SPTLC3: variants seen among roughly 807,000 people sequenced by gnomAD.
SPTLC3 encodes serine palmitoyltransferase long chain base subunit 3, also known as serine palmitoyltransferase 3.
SPTLC3 carries 36 observed loss-of-function variants against 59.3 expected under a neutral mutation model. The observed-to-expected ratio is 0.61, with a 90% CI of 0.47 to 0.80. The LOEUF is 0.80. SPTLC3 is among the 30% of genes least tolerant of loss of function. The pLI, the probability that SPTLC3 is intolerant of heterozygous loss-of-function variation, is 0.00. For missense variants in SPTLC3, 625 were observed against 685.1 expected, an observed-to-expected ratio of 0.91 and a Z score of 0.98; for synonymous variants, 257 against 240.8, an observed-to-expected ratio of 1.07 and a Z score of -0.62.
chr20:13,142,889 C>T (rs564578435), intron 9 of SPTLC3, among the ~76,000 whole-genome samples: 1 of 152,014 alleles, frequency 6.6e-6, no homozygotes, highest in Admixed American at 6.5e-5. Context: ...GAGAGTCTCC[C>T]TCACATCAAA....
At chr20:13,163,146 TGACCTGAGGTCAGGAGTTCGA>T (rs937107713) in intron 11 of SPTLC3, among the ~76,000 whole-genome samples, 15 of 152,098 alleles carry the variant, frequency 9.9e-5, no homozygotes, top group Admixed American at 7.2e-4. Flanking sequence ...GGTGGGCGGA[TGACCTGAGGTCAGGAGTTCGA>T]GACCAGCCTG....
chr20:13,024,783 TC>T (rs1986064503), intron 1 of SPTLC3, among the ~76,000 whole-genome samples: 1 of 152,158 alleles, frequency 6.6e-6, no homozygotes, highest in Non-Finnish European at 1.5e-5. Context: ...CTAGAGAAAT[TC>T]CCCTGCTACA....
intron 1 of SPTLC3, among the ~76,000 whole-genome samples, chr20:13,030,218 A>T (rs1180280070): frequency 1.3e-5 from 2 of 152,196 alleles, no homozygotes; most frequent in African/African-American, 4.8e-5. Flanking sequence ...CCACACTGTG[A>T]TGTCAAAACA....
chr20:13,128,678 C>CT (rs2038049342), intron 9 of SPTLC3, among the ~76,000 whole-genome samples: 1 of 151,774 alleles, frequency 6.6e-6, no homozygotes, highest in Non-Finnish European at 1.5e-5. Flanking sequence ...GGAGGAGGTT[C>CT]TTTTTTGTTT....
In SPTLC3 at chr20:13,059,312, A is replaced by T. The variant is rs148294045; in HGVS notation, c.303+10182A>T. Among the ~76,000 whole-genome samples the T allele has an allele frequency of 3.1e-3, 479 of 152,324 alleles. 3 individuals carry two copies. The highest frequency in any genetic ancestry group is 4.6e-3 in the Non-Finnish European group (314 of 68,032). The stretch of plus-strand genomic sequence containing the variant: ...TTAGTTCTTTCGCTGTTTCACTGTT[A>T]CGTCGCTAGTATCGCCTGAGAGCTT... On this transcript the variant is annotated intron_variant, in intron 2 of 11. Coordinates refer to ENST00000399002, the MANE Select transcript of SPTLC3 (RefSeq NM_018327.4).
intron 1 of SPTLC3, among the ~76,000 whole-genome samples, chr20:13,022,253 A>G (rs1985923375): frequency 6.6e-6 from 1 of 152,142 alleles, no homozygotes; most frequent in African/African-American, 2.4e-5. Context: ...CAGCACATCT[A>G]GAATCTGACC....
intron 1 of SPTLC3, among the ~76,000 whole-genome samples, chr20:13,014,621 T>C (rs558727847): frequency 2.0e-5 from 3 of 152,008 alleles, no homozygotes; most frequent in Admixed American, 6.6e-5. Flanking sequence ...AAGAAATTTA[T>C]TAGGGAGGTG....
At chr20:13,110,443 G>A (rs1990167187) in intron 7 of SPTLC3, among the ~76,000 whole-genome samples, 1 of 152,170 alleles carries the variant, frequency 6.6e-6, no homozygotes, top group South Asian at 2.1e-4. Flanking sequence ...GGCTTGTGAA[G>A]GCTTCCTCAG....
chr20:13,065,466 T>C (rs911959169), intron 2 of SPTLC3, among the ~76,000 whole-genome samples: 1 of 151,910 alleles, frequency 6.6e-6, no homozygotes, highest in Non-Finnish European at 1.5e-5. Context: ...GGAAAATGTA[T>C]GTCTCTTATA....
At chr20:13,067,858 T>G (rs540142462) in intron 2 of SPTLC3, among the ~76,000 whole-genome samples, 27 of 152,326 alleles carry the variant, frequency 1.8e-4, no homozygotes, top group African/African-American at 6.3e-4. Context: ...AGAACTGAAG[T>G]GTCAATGTAG....
chr20:13,128,857 A>G (rs1026585263), intron 9 of SPTLC3, among the ~76,000 whole-genome samples: 2 of 145,050 alleles, frequency 1.4e-5, no homozygotes, highest in Admixed American at 7.0e-5. Context: ...GGCATGCACC[A>G]CCATGCCCAG....
At chr20:13,131,640 T>G (rs897385617) in intron 9 of SPTLC3, among the ~76,000 whole-genome samples, 1 of 152,156 alleles carries the variant, frequency 6.6e-6, no homozygotes, top group African/African-American at 2.4e-5. Flanking sequence ...TGACATATAT[T>G]CAGAATCAGG....
At chr20:13,109,395 A>G (rs1305682069) in intron 6 of SPTLC3, among the ~76,000 whole-genome samples, 1 of 152,150 alleles carries the variant, frequency 6.6e-6, no homozygotes, top group East Asian at 1.9e-4. Flanking sequence ...CTTATGATAG[A>G]CCTCAGGCAG....
intron 3 of SPTLC3, 127 bp from the exon 4 acceptor site, chr20:13,074,222 C>A: frequency 8.5e-7 from 1 of 1,175,524 alleles, no homozygotes; most frequent in Non-Finnish European, 1.3e-6. Context: ...CAGATCTGAG[C>A]TGCCATCTCC....
At chr20:13,141,776 A>G (rs2038388448) in intron 9 of SPTLC3, among the ~76,000 whole-genome samples, 1 of 152,156 alleles carries the variant, frequency 6.6e-6, no homozygotes, top group Admixed American at 6.5e-5. Context: ...GTAATACAAA[A>G]CAGATGTTGG....
intron 1 of SPTLC3, among the ~76,000 whole-genome samples, chr20:13,041,629 T>C (rs1214116608): frequency 6.6e-6 from 1 of 152,210 alleles, no homozygotes; most frequent in Non-Finnish European, 1.5e-5. Context: ...TCTGTTGTTC[T>C]TATGTAGATC....
intron 10 of SPTLC3, 148 bp downstream of exon 10, chr20:13,154,286 C>G (rs1476039733): frequency 1.1e-6 from 1 of 940,770 alleles, no homozygotes. Flanking sequence ...ACCTGTCACT[C>G]TATCAGCTAG....
In SPTLC3 at chr20:13,014,195, A is replaced by G. The variant is rs140604496; in HGVS notation, c.117+4811A>G. Among the ~76,000 whole-genome samples, 1,383 of 152,330 alleles carry G rather than the reference A, an allele frequency of 9.1e-3. 32 individuals carry two copies. The highest frequency in any genetic ancestry group is 9.4e-3 in the Non-Finnish European group (641 of 68,018). On this transcript the variant is annotated intron_variant, in intron 1 of 11. Coordinates refer to ENST00000399002, the MANE Select transcript of SPTLC3 (RefSeq NM_018327.4). ...AGGAGAAACAGATGCTGCTTTTTTC[A>G]TGACAGAGGCTGCAAAGTCACATTG...
intron 8 of SPTLC3, among the ~76,000 whole-genome samples, chr20:13,126,282 T>C (rs1479908268): frequency 6.6e-6 from 1 of 152,222 alleles, no homozygotes; most frequent in Non-Finnish European, 1.5e-5. Context: ...TGCTCACACA[T>C]AGTAGGTACT....
Sources: gnomAD v4.1 joint callset for allele counts (sites outside exome capture counted in the v4.1 genomes callset) on GRCh38, gnomAD v4.1.1 for gene constraint, MANE v1.5 for transcripts, NCBI Gene and HGNC (gene_info 2026-07-23, HGNC 2026-07-21) for gene names.